The following KDM2B variants were observed in gnomAD, a reference collection of about 807,000 sequenced individuals.
KDM2B encodes the protein lysine demethylase 2B.
KDM2B carries 26 observed loss-of-function variants against 150.0 expected under a neutral mutation model. The ratio of observed to expected loss-of-function variants is 0.17; its 90% CI spans 0.13 to 0.24. The LOEUF is 0.24. Ranked by LOEUF, KDM2B falls within the 10% of genes least tolerant of loss-of-function variation. The probability of loss-of-function intolerance (pLI) is 1.00; values close to 1 mark genes in which losing one functional copy is unlikely to be tolerated. For synonymous variants in KDM2B, 734 were observed against 729.5 expected (o/e 1.01, Z -0.10); for missense variants, 1,265 against 1,816.9 (o/e 0.70, Z 5.52).
At chr12:121,463,914 G>A (rs1375020086) in intron 12 of KDM2B, among the ~76,000 whole-genome samples, 2 of 151,382 alleles carry the variant, frequency 1.3e-5, no homozygotes, top group South Asian at 2.1e-4. Flanking sequence ...AATAGAAGCT[G>A]TTTTCACATC....
chr12:121,567,792 C>A (rs1315624074), intron 4 of KDM2B, among the ~76,000 whole-genome samples: 1 of 147,732 alleles, frequency 6.8e-6, no homozygotes, highest in Non-Finnish European at 1.5e-5. Context: ...CTCACTGTAA[C>A]CTCCACCTCC....
At chr12:121,438,928 C>T (rs1179881530) in intron 22 of KDM2B, among the ~76,000 whole-genome samples, 6 of 152,038 alleles carry the variant, frequency 3.9e-5, no homozygotes, top group Non-Finnish European at 8.8e-5. Context: ...AGCTACCAGA[C>T]CAAAATTGGG....
intron 13 of KDM2B, among the ~76,000 whole-genome samples, chr12:121,448,964 T>C (rs1876755772): frequency 6.6e-6 from 1 of 152,120 alleles, no homozygotes; most frequent in Admixed American, 6.5e-5. Context: ...AGAAGCCAAG[T>C]GGGCAAGGCC....
intron 11 of KDM2B, among the ~76,000 whole-genome samples, chr12:121,502,334 G>C (rs1342975857): frequency 6.6e-6 from 1 of 152,104 alleles, no homozygotes; most frequent in East Asian, 1.9e-4. Flanking sequence ...GGTCTTCAAA[G>C]AACACCTGGC....
At chr12:121,505,646 A>G (rs1348552379) in intron 11 of KDM2B, among the ~76,000 whole-genome samples, 1 of 152,126 alleles carries the variant, frequency 6.6e-6, no homozygotes, top group Non-Finnish European at 1.5e-5. Flanking sequence ...GCTGTCTCCA[A>G]TCACCAGGGC....
chr12:121,579,595 G>A, intron 1 of KDM2B: 1 of 1,305,760 alleles, frequency 7.7e-7, no homozygotes, highest in Non-Finnish European at 1.0e-6. Flanking sequence ...GCTCGGATCG[G>A]AGACCCCAAA....
chr12:121,417,611 G>C, the KDM2B span: 2 of 1,614,174 alleles, frequency 1.2e-6, no homozygotes, highest in Non-Finnish European at 8.5e-7. This position sits in a 1 kb window ranked among gnomAD's most constrained non-coding sequence, Gnocchi z 5.0. Flanking sequence ...CAGCATTTCA[G>C]CGCCCTCAGT....
At chr12:121,541,417 A>G (rs1555309768) in intron 6 of KDM2B, among the ~76,000 whole-genome samples, 1 of 132,524 alleles carries the variant, frequency 7.5e-6, no homozygotes, top group East Asian at 2.6e-4. Context: ...AAAAAAAAAA[A>G]GGAAGGACGG....
At chr12:121,576,094 G>A (rs28421662) in intron 2 of KDM2B, among the ~76,000 whole-genome samples, 6 of 152,020 alleles carry the variant, frequency 3.9e-5, no homozygotes, top group Admixed American at 2.0e-4. Context: ...AGTCATTCTC[G>A]GCATGCCCCA....
intron 12 of KDM2B, among the ~76,000 whole-genome samples, chr12:121,463,755 C>A (rs1555294197): frequency 1.3e-5 from 2 of 152,060 alleles, no homozygotes; most frequent in East Asian, 3.9e-4. Flanking sequence ...AATTTTTGTA[C>A]TTTTTTGTAG....
the KDM2B span, chr12:121,420,284 G>C: frequency 6.3e-7 from 1 of 1,597,698 alleles, no homozygotes; most frequent in Non-Finnish European, 8.5e-7. Context: ...AGATGATGAT[G>C]ACGACGATGA....
In KDM2B at chr12:121,513,040, T is replaced by A. The variant is rs1555304275; in HGVS notation, c.1174+236A>T. On this transcript the variant is annotated intron_variant, in intron 10 of 22. Transcript: ENST00000377071. This position sits in a 1 kb window ranked among gnomAD's most constrained non-coding sequence, Gnocchi z 5.0. ...GCCCCAACCTGCATCTACACAGCCA[T>A]GGGCTGGAGGCCACACACGTGACTC... 1.3e-5 allele frequency among the ~76,000 whole-genome samples: 2 copies of A among 152,246 alleles called. No individual in the cohort carries two copies. Among genetic ancestry groups the A allele is most frequent in the Non-Finnish European group, 2.9e-5 (2 of 68,040 alleles).
the KDM2B span, chr12:121,417,540 G>A: frequency 6.0e-5 from 97 of 1,613,116 alleles, no homozygotes; most frequent in Non-Finnish European, 7.6e-5. The surrounding 1 kb of genome is among the most constrained non-coding windows in gnomAD (Gnocchi z 5.0). Flanking sequence ...TTTTTGCTCC[G>A]TTTGTTCAGT....
chr12:121,434,520 AAG>A (rs1873641710), intron 22 of KDM2B, among the ~76,000 whole-genome samples: 1 of 151,234 alleles, frequency 6.6e-6, no homozygotes, highest in South Asian at 2.1e-4. Context: ...AAAAAAAAAA[AAG>A]AATCAGGAGC....
At chr12:121,445,108 C>G in intron 14 of KDM2B, 167 bp downstream of exon 14, 1 of 709,824 alleles carries the variant, frequency 1.4e-6, no homozygotes, top group Non-Finnish European at 2.3e-6. Context: ...TGAGGTACTC[C>G]AGGCCCTCCT....
chr12:121,409,231 C>T, the KDM2B span, among the ~76,000 whole-genome samples: 19 of 152,160 alleles, frequency 1.2e-4, no homozygotes, highest in African/African-American at 3.1e-4. Flanking sequence ...CTGCTGGCCT[C>T]GGCCTCCCAA....
chr12:121,561,660 A>G (rs1459930062), intron 4 of KDM2B, among the ~76,000 whole-genome samples: 2 of 152,124 alleles, frequency 1.3e-5, no homozygotes, highest in African/African-American at 4.8e-5. Context: ...TCCAGCCCCA[A>G]GTTGCTTTTC....
intron 12 of KDM2B, among the ~76,000 whole-genome samples, chr12:121,459,754 C>T (rs1278628509): frequency 6.6e-6 from 1 of 151,762 alleles, no homozygotes; most frequent in Non-Finnish European, 1.5e-5. Flanking sequence ...CGCTTGAACC[C>T]AGGAGGCAGA....
chr12:121,425,460 T>C (rs1286845603), downstream of KDM2B, among the ~76,000 whole-genome samples: 3 of 152,220 alleles, frequency 2.0e-5, no homozygotes, highest in East Asian at 5.8e-4. Context: ...GAGTCTGTTA[T>C]CTCCTGACTG....
Sources: gnomAD v4.1 joint callset for allele counts (sites outside exome capture counted in the v4.1 genomes callset) on GRCh38, gnomAD v4.1.1 for gene constraint, Gnocchi (gnomAD v3.1) non-coding constraint, MANE v1.5 for transcripts, NCBI Gene and HGNC (gene_info 2026-07-23, HGNC 2026-07-21) for gene names.